KCNU1: variants seen among roughly 807,000 people sequenced by gnomAD.
The protein encoded by KCNU1 is potassium channel subfamily U member 1.
Under a neutral mutation model 126.8 loss-of-function variants are expected in KCNU1, and 93 were observed. The ratio of observed to expected loss-of-function variants is 0.73; its 90% CI spans 0.62 to 0.87. The LOEUF (loss-of-function observed/expected upper bound fraction) is 0.87. Among genes scored for constraint, KCNU1 ranks in the 40% least tolerant of loss-of-function variants. KCNU1 has a pLI of 0.00. For missense variants in KCNU1, 1,330 were observed against 1,367.1 expected, an observed-to-expected ratio of 0.97 and a Z score of 0.43; for synonymous variants, 523 against 494.2, an observed-to-expected ratio of 1.06 and a Z score of -0.77.
chr8:36,794,309 C>A (rs956850114), intron 2 of KCNU1, among the ~76,000 whole-genome samples: 1 of 151,608 alleles, frequency 6.6e-6, no homozygotes, highest in African/African-American at 2.4e-5. Flanking sequence ...ATGTTCCTAC[C>A]TTTTGATCTC....
At chr8:36,870,058 C>T (rs1052763430) in intron 19 of KCNU1, among the ~76,000 whole-genome samples, 3 of 152,178 alleles carry the variant, frequency 2.0e-5, no homozygotes, top group South Asian at 4.1e-4. Flanking sequence ...CTATAGCTTG[C>T]CATTCTCCCT....
At chr8:36,818,522 T>G (rs930068309) in intron 10 of KCNU1, among the ~76,000 whole-genome samples, 2 of 152,164 alleles carry the variant, frequency 1.3e-5, no homozygotes, top group Non-Finnish European at 2.9e-5. Flanking sequence ...CATACAGAAG[T>G]GTTTGATTTG....
intron 23 of KCNU1, 35 bp downstream of exon 23, chr8:36,918,932 A>T: frequency 7.6e-7 from 1 of 1,313,812 alleles, no homozygotes; most frequent in Non-Finnish European, 1.1e-6. Flanking sequence ...TTCAATGGAG[A>T]AATTTTTGTG....
At chr8:36,826,679 T>C (rs1343588343) in intron 10 of KCNU1, among the ~76,000 whole-genome samples, 2 of 152,194 alleles carry the variant, frequency 1.3e-5, no homozygotes, top group Non-Finnish European at 2.9e-5. Flanking sequence ...TCAGTTATTA[T>C]ATTATTCAGT....
intron 22 of KCNU1, among the ~76,000 whole-genome samples, chr8:36,913,867 C>T (rs941180744): frequency 6.6e-6 from 1 of 152,062 alleles, no homozygotes; most frequent in African/African-American, 2.4e-5. Context: ...TCCCAAAGTG[C>T]TGGGATTACA....
chr8:36,898,457 C>G (rs1807284180), intron 19 of KCNU1, among the ~76,000 whole-genome samples: 1 of 151,888 alleles, frequency 6.6e-6, no homozygotes, highest in African/African-American at 2.4e-5. Flanking sequence ...ATGTTGAACC[C>G]TGACCTGAAC....
chr8:36,829,468 C>A (rs1804449783), intron 10 of KCNU1, among the ~76,000 whole-genome samples: 1 of 151,628 alleles, frequency 6.6e-6, no homozygotes, highest in East Asian at 1.9e-4. Flanking sequence ...TATAGAGTGA[C>A]AATTTGTATA....
At chr8:36,813,697 T>C (rs543268347) in intron 7 of KCNU1, among the ~76,000 whole-genome samples, 1 of 151,994 alleles carries the variant, frequency 6.6e-6, no homozygotes, top group African/African-American at 2.4e-5. Flanking sequence ...GAAAAGACGA[T>C]TGTGCAAAGA....
At chr8:36,800,700 T>C (rs941184120) in intron 2 of KCNU1, among the ~76,000 whole-genome samples, 2 of 152,210 alleles carry the variant, frequency 1.3e-5, no homozygotes, top group Non-Finnish European at 2.9e-5. Flanking sequence ...AATGTACAGC[T>C]CTTCTCAGAA....
intron 10 of KCNU1, among the ~76,000 whole-genome samples, chr8:36,830,908 C>G (rs1442025890): frequency 8.9e-6 from 1 of 112,328 alleles, no homozygotes; most frequent in African/African-American, 3.4e-5. Flanking sequence ...TCCCTCCCCC[C>G]TCCCCCCACC....
chr8:36,859,444 T>A (rs1214866336), intron 18 of KCNU1, among the ~76,000 whole-genome samples: 1 of 152,130 alleles, frequency 6.6e-6, no homozygotes, highest in Non-Finnish European at 1.5e-5. Context: ...TTCTCCCCGC[T>A]ACTATACTCA....
At chr8:36,892,095 G>C (rs1202803647) in intron 19 of KCNU1, among the ~76,000 whole-genome samples, 1 of 151,920 alleles carries the variant, frequency 6.6e-6, no homozygotes, top group Non-Finnish European at 1.5e-5. Context: ...TGTGTATGTT[G>C]ATACACTTGA....
At chr8:36,862,625 T>G (rs1805772459) in intron 18 of KCNU1, among the ~76,000 whole-genome samples, 1 of 152,148 alleles carries the variant, frequency 6.6e-6, no homozygotes, top group Non-Finnish European at 1.5e-5. Flanking sequence ...GTCATTAATG[T>G]GTTTTCAGAT....
intron 19 of KCNU1, among the ~76,000 whole-genome samples, chr8:36,878,613 T>G (rs74729654): frequency 6.8e-4 from 103 of 152,116 alleles, no homozygotes; most frequent in African/African-American, 2.4e-3. Context: ...GACCATTGGG[T>G]AGGGGATGAA....
intron 14 of KCNU1, among the ~76,000 whole-genome samples, chr8:36,839,208 G>T (rs1179113485): frequency 1.3e-5 from 2 of 152,046 alleles, no homozygotes; most frequent in African/African-American, 4.8e-5. Flanking sequence ...GTTGGTCCTG[G>T]GTTCAGAGCA....
chr8:36,807,529 A>C, intron 6 of KCNU1, 79 bp downstream of exon 6: 1 of 997,576 alleles, frequency 1.0e-6, no homozygotes, highest in Non-Finnish European at 1.6e-6. Context: ...CCCTAAACTC[A>C]ATGCATTTCT....
chr8:36,833,687 T>A, intron 11 of KCNU1, 28 bp downstream of exon 11: 1 of 1,260,274 alleles, frequency 7.9e-7, no homozygotes, highest in Non-Finnish European at 1.2e-6. Context: ...TTGTTCCTTG[T>A]AGTTTTCCTT....
At chr8:36,788,856 A>C (rs2130326304) in intron 2 of KCNU1, among the ~76,000 whole-genome samples, 1 of 152,326 alleles carries the variant, frequency 6.6e-6, no homozygotes, top group South Asian at 2.1e-4. Context: ...AATATATTAA[A>C]GGTCACTAGG....
chr8:36,921,800 A>C (rs1156558645), intron 23 of KCNU1, among the ~76,000 whole-genome samples: 1 of 152,052 alleles, frequency 6.6e-6, no homozygotes. Context: ...CAGTATAGAC[A>C]TGCTGATGGA....
Sources: allele counts gnomAD v4.1 joint callset (sites outside exome capture counted in the v4.1 genomes callset), GRCh38; gene constraint gnomAD v4.1.1; transcripts MANE v1.5; gene names NCBI Gene and HGNC (gene_info 2026-07-23, HGNC 2026-07-21).